The following POLH variants were observed in gnomAD, a reference collection of about 807,000 sequenced individuals.
POLH encodes DNA polymerase eta.
Under a neutral mutation model 73.6 loss-of-function variants are expected in POLH, and 53 were observed. The observed-to-expected ratio is 0.72, with a 90% confidence interval of 0.58 to 0.91. The LOEUF (loss-of-function observed/expected upper bound fraction) is 0.91, where lower values mean the gene tolerates loss of function less well. POLH is among the 40% of genes least tolerant of loss of function. POLH has a pLI of 0.00. For missense variants in POLH, 768 were observed against 865.4 expected, an observed-to-expected ratio of 0.89 and a Z score of 1.41; for synonymous variants, 292 against 308.5, an observed-to-expected ratio of 0.95 and a Z score of 0.56.
At position 43,604,594 on chromosome 6, in the gene POLH, G is replaced by GT. The variant is rs752939564; in HGVS notation, c.885-15dup. The GT allele has an allele frequency of 4.3e-6, 7 of 1,612,370 alleles. No individual in the cohort carries two copies. In the East Asian group the frequency reaches 1.3e-4, roughly 31 times the overall value. On this transcript the variant is annotated intron_variant, in intron 7 of 10. Coordinates refer to ENST00000372236, the MANE Select transcript of POLH (RefSeq NM_006502.3). ...AATAATCATTTAATTTCACCTTAAC[G>GT]TTTTTTGCTGGTCTTATTAGGTCTT...
In POLH at chr6:43,601,020, G is replaced by A. The variant is rs77588969; in HGVS notation, c.693G>A (p.Lys231=). 6.2e-7 allele frequency: 1 copy of A among 1,614,140 alleles called. No homozygotes were observed. The highest frequency in any genetic ancestry group is 8.5e-7 in the Non-Finnish European group (1 of 1,179,994). ...VLAKLACGLN[K]PNRQTLVSHG... ...CAAAACTGGCCTGTGGACTAAACAA[G>A]CCCAACCGCCAAACCCTGGTTTCAC... is the stretch of plus-strand genomic sequence containing the variant. The change falls in exon 6 of 11, where the codon AAG becomes AAA. Residue 231 remains lysine, a synonymous_variant. Transcript: ENST00000372236.
At position 43,587,402 on chromosome 6, in the gene POLH, C is replaced by T. The variant is rs761688287; in HGVS notation, c.403C>T (p.Gln135Ter). Reference sequence around the variant, plus strand: ...AGAGAGACTACAAAAGCTACAAGGTCAGCCTATCTCGGCAGACTTGTTGCC... The same window carrying T: ...AGAGAGACTACAAAAGCTACAAGGTTAGCCTATCTCGGCAGACTTGTTGCC... The part of the protein sequence containing the change: ...VQERLQKLQG[Q>*]PISADLLPST... The change falls in exon 4 of 11, where the codon CAG (glutamine) becomes TAG (stop). Residue 135 changes from glutamine (Q) to a stop codon, truncating the protein, a stop_gained. Coordinates refer to ENST00000372236, the MANE Select transcript of POLH (RefSeq NM_006502.3). LOFTEE classifies it high-confidence loss of function. 1 of 1,614,200 alleles carries T rather than the reference C, an allele frequency of 6.2e-7. No individual in the cohort carries two copies. The highest frequency in any genetic ancestry group is 1.1e-5 in the South Asian group (1 of 91,082).
Position 43,615,893 on chromosome 6 carries a change from G to A in POLH, c.*1336G>A, listed in dbSNP as rs9333563. ...TCACCATGTTGGCCAGGATGGTCTC[G>A]ATTGCTTGACCTCATGATCCGCCTG... On this transcript the variant is annotated 3_prime_UTR_variant, in exon 11 of 11. Transcript: ENST00000372236. Among the ~76,000 whole-genome samples, 248 of 151,950 alleles carry A rather than the reference G, an allele frequency of 1.6e-3. No individual in the cohort carries two copies. The highest frequency in any genetic ancestry group is 0.011 in the South Asian group (54 of 4,812).
Position 43,587,416 on chromosome 6 carries a change from A to C in POLH, c.417A>C (p.Ala139=). The change falls in exon 4 of 11, where the codon GCA becomes GCC. Residue 139 remains alanine (A), a synonymous_variant. Transcript: ENST00000372236. The part of the protein sequence containing the change: ...LQKLQGQPIS[A]DLLPSTYIEG... Reference sequence around the variant, plus strand: ...AGCTACAAGGTCAGCCTATCTCGGCAGACTTGTTGCCAAGCACTTACATTG... The same window carrying C: ...AGCTACAAGGTCAGCCTATCTCGGCCGACTTGTTGCCAAGCACTTACATTG... 1 of 1,614,234 alleles carries C rather than the reference A, an allele frequency of 6.2e-7. No homozygotes were observed. The highest frequency in any genetic ancestry group is 1.1e-5 in the South Asian group (1 of 91,088).
intron 1 of POLH, among the ~76,000 whole-genome samples, chr6:43,580,902 C>A (rs1262410984): frequency 7.4e-5 from 11 of 148,796 alleles, no homozygotes; most frequent in Admixed American, 1.3e-4. Flanking sequence ...CTGACCCCCC[C>A]ACCTCCCTCC....
chr6:43,595,371 G>C (rs1765925219), intron 4 of POLH, among the ~76,000 whole-genome samples: 1 of 151,900 alleles, frequency 6.6e-6, no homozygotes. Context: ...TCCTGACCTT[G>C]TGATCTGCCT....
intron 7 of POLH, among the ~76,000 whole-genome samples, chr6:43,604,344 A>G (rs971307352): frequency 1.3e-5 from 2 of 152,212 alleles, no homozygotes; most frequent in African/African-American, 4.8e-5. Context: ...ATTTTGGGAT[A>G]TGAATCAGTG....
At chr6:43,606,333 T>C (rs2127808244) in intron 9 of POLH, among the ~76,000 whole-genome samples, 1 of 152,218 alleles carries the variant, frequency 6.6e-6, no homozygotes, top group East Asian at 1.9e-4. Context: ...AGGTAACCAC[T>C]GTTTTATTCT....
chr6:43,589,596 A>G (rs1397259465), intron 4 of POLH, among the ~76,000 whole-genome samples: 1 of 151,426 alleles, frequency 6.6e-6, no homozygotes, highest in African/African-American at 2.4e-5. Context: ...TTGATTTGCA[A>G]GAGTTCCTTG....
At chr6:43,612,944 G>C (rs1768055169) in intron 10 of POLH, among the ~76,000 whole-genome samples, 2 of 151,848 alleles carry the variant, frequency 1.3e-5, no homozygotes, top group African/African-American at 2.4e-5. Flanking sequence ...TGGGTTACAG[G>C]CGTGTGTCAC....
At chr6:43,596,092 G>C (rs1766017258) in intron 4 of POLH, among the ~76,000 whole-genome samples, 1 of 152,162 alleles carries the variant, frequency 6.6e-6, no homozygotes, top group African/African-American at 2.4e-5. Flanking sequence ...TAGAAAGCTA[G>C]CTAGAATAGT....
chr6:43,601,887 G>A (rs1305998993), intron 6 of POLH, among the ~76,000 whole-genome samples: 1 of 152,074 alleles, frequency 6.6e-6, no homozygotes, highest in African/African-American at 2.4e-5. Flanking sequence ...GTGAAACCCT[G>A]TCTCTACTAA....
intron 9 of POLH, among the ~76,000 whole-genome samples, chr6:43,607,929 G>A (rs1447440967): frequency 2.0e-5 from 3 of 152,158 alleles, no homozygotes; most frequent in African/African-American, 7.2e-5. Flanking sequence ...TCAGGAGTTC[G>A]AGGGTAGCCT....
chr6:43,578,314 G>C, intron 1 of POLH: 1 of 329,388 alleles, frequency 3.0e-6, no homozygotes, highest in Non-Finnish European at 5.9e-6. Flanking sequence ...TTGAACCCGG[G>C]AGGCGTAGGT....
intron 4 of POLH, 120 bp from the exon 5 acceptor site, chr6:43,597,576 C>T: frequency 1.1e-6 from 1 of 941,468 alleles, no homozygotes; most frequent in Middle Eastern, 2.5e-4. Flanking sequence ...AGCTGGCTGC[C>T]ATTTTTTTGT....
At chr6:43,602,417 G>A (rs968847948) in intron 6 of POLH, among the ~76,000 whole-genome samples, 5 of 152,216 alleles carry the variant, frequency 3.3e-5, no homozygotes, top group African/African-American at 4.8e-5. Context: ...GGGAGTATTT[G>A]GAGATGGATT....
chr6:43,613,956 C>G lies in POLH; in HGVS notation c.1541C>G (p.Ser514Cys), dbSNP rs1335626573. Residue 514 changes from serine (S) to cysteine (C), a missense_variant, in exon 11 of 11, where the codon TCC becomes TGC. Transcript: ENST00000372236. ...CAGGCTCCCATGAGCAATTCACCAT[C>G]CAAGCCCTCATTACCTTTTCAAACC... The part of the protein sequence containing the change: ...PTQAPMSNSP[S>C]KPSLPFQTSQ... 1 of 1,614,066 alleles carries G rather than the reference C, an allele frequency of 6.2e-7. No homozygotes were observed. The highest frequency in any genetic ancestry group is 1.7e-5 in the Admixed American group (1 of 60,030).
intron 5 of POLH, among the ~76,000 whole-genome samples, chr6:43,599,879 C>T (rs1225317864): frequency 6.6e-6 from 1 of 151,780 alleles, no homozygotes; most frequent in Non-Finnish European, 1.5e-5. Flanking sequence ...TTTCTCTTGG[C>T]CGAGTGCGGT....
chr6:43,614,502 C>G lies in POLH; in HGVS notation c.2087C>G (p.Pro696Arg). 6.2e-7 allele frequency: 1 copy of G among 1,614,030 alleles called. No individual in the cohort carries two copies. Among genetic ancestry groups the G allele is most frequent in the Non-Finnish European group, 8.5e-7 (1 of 1,180,004 alleles). The change falls in exon 11 of 11, where the codon CCC (proline) becomes CGC (arginine). Residue 696 changes from proline (P) to arginine (R), a missense_variant. Coordinates refer to ENST00000372236, the MANE Select transcript of POLH (RefSeq NM_006502.3). ...CCTTTGGCCTGCACTAATAAACGCC[C>G]CAGGCCTGAGGGCATGCAAACATTG... is the stretch of plus-strand genomic sequence containing the variant. The part of the protein sequence containing the change: ...KSPLACTNKR[P>R]RPEGMQTLES...
Sources: allele counts gnomAD v4.1 joint callset (sites outside exome capture counted in the v4.1 genomes callset), GRCh38; gene constraint gnomAD v4.1.1; transcripts MANE v1.5; gene names NCBI Gene and HGNC (gene_info 2026-07-23, HGNC 2026-07-21).